Variants in CTNNA3 observed in about 807,000 individuals in gnomAD.
The protein encoded by CTNNA3 is catenin alpha 3, also known as catenin alpha-3.
In CTNNA3, 76 loss-of-function variants were observed where a neutral mutation model predicts 95.7. The observed-to-expected ratio is 0.79, with a 90% CI of 0.66 to 0.96. The LOEUF (loss-of-function observed/expected upper bound fraction) is 0.96, where lower values mean the gene tolerates loss of function less well. CTNNA3 is among the 40% of genes least tolerant of loss of function. The probability of loss-of-function intolerance (pLI) is 0.00; values close to 1 mark genes in which losing one functional copy is unlikely to be tolerated. For synonymous variants in CTNNA3, 431 were observed against 374.4 expected (o/e 1.15, Z -1.74); for missense variants, 1,191 against 1,089.8 (o/e 1.09, Z -1.31).
chr10:66,863,312 G>A (rs1171804777), intron 7 of CTNNA3, among the ~76,000 whole-genome samples: 1 of 151,930 alleles, frequency 6.6e-6, no homozygotes, highest in Non-Finnish European at 1.5e-5. Flanking sequence ...CTTAGGAGTA[G>A]TATGTTCTAC....
chr10:66,259,524 T>A (rs1333606499), intron 13 of CTNNA3, among the ~76,000 whole-genome samples: 1 of 152,100 alleles, frequency 6.6e-6, no homozygotes, highest in Non-Finnish European at 1.5e-5. Context: ...CTGAGGAATT[T>A]AGAAGTAATT....
intron 13 of CTNNA3, among the ~76,000 whole-genome samples, chr10:66,249,846 A>C (rs2090479175): frequency 6.6e-6 from 1 of 152,118 alleles, no homozygotes; most frequent in Non-Finnish European, 1.5e-5. Context: ...GAAACAAACA[A>C]ACAAAAACTA....
chr10:66,857,803 G>A (rs10822933), intron 7 of CTNNA3, among the ~76,000 whole-genome samples: 88,753 of 151,800 alleles, frequency 0.58, 27,014 homozygotes, highest in African/African-American at 0.64. Context: ...GAAGCTTCTG[G>A]GAAGACACTG....
Position 66,366,976 on chromosome 10 carries a change from A to G in CTNNA3, c.1732+12176T>C, listed in dbSNP as rs2092714879. On this transcript the variant is annotated intron_variant, in intron 12 of 17. Transcript: ENST00000433211. ...TGAAAGGGTTTGCAAAATTCTATGG[A>G]AACTACTCAAGGAAGACCTATTCAA... is the stretch of plus-strand genomic sequence containing the variant. Among the ~76,000 whole-genome samples, 4 of 152,132 alleles carry G rather than the reference A, an allele frequency of 2.6e-5. No individual in the cohort carries two copies. In the South Asian group the frequency reaches 8.3e-4, roughly 32 times the overall value.
chr10:67,521,304 G>C (rs556464823), intron 5 of CTNNA3, among the ~76,000 whole-genome samples: 1 of 152,208 alleles, frequency 6.6e-6, no homozygotes, highest in Non-Finnish European at 1.5e-5. Flanking sequence ...GCCTACAAAA[G>C]GAGGCAATTA....
intron 12 of CTNNA3, among the ~76,000 whole-genome samples, chr10:66,287,048 C>T (rs907761210): frequency 3.9e-5 from 6 of 152,066 alleles, no homozygotes; most frequent in African/African-American, 1.4e-4. Flanking sequence ...AAACTTCCCT[C>T]AATCAGCACC....
intron 16 of CTNNA3, among the ~76,000 whole-genome samples, chr10:65,976,262 AT>A (rs2078205983): frequency 6.6e-6 from 1 of 152,160 alleles, no homozygotes; most frequent in South Asian, 2.1e-4. Flanking sequence ...TTTGTCAATT[AT>A]AAACTCGATT....
intron 7 of CTNNA3, among the ~76,000 whole-genome samples, chr10:66,916,400 A>T (rs990457233): frequency 6.6e-6 from 1 of 152,258 alleles, no homozygotes; most frequent in Non-Finnish European, 1.5e-5. Context: ...AGTAGCTAAA[A>T]TAAAATGATT....
At chr10:65,921,471 C>T (rs914391525) in intron 17 of CTNNA3, among the ~76,000 whole-genome samples, 2 of 152,258 alleles carry the variant, frequency 1.3e-5, no homozygotes, top group South Asian at 2.1e-4. Flanking sequence ...AAGTTTCTCA[C>T]AGAGATTGTG....
chr10:67,726,616 A>G (rs796723671), intron 1 of CTNNA3, among the ~76,000 whole-genome samples: 2,911 of 18,960 alleles, frequency 0.15, 184 homozygotes, highest in African/African-American at 0.33. Flanking sequence ...TATATAATAT[A>G]TAATATATAT....
intron 11 of CTNNA3, among the ~76,000 whole-genome samples, chr10:66,437,862 G>C (rs1367525211): frequency 6.6e-6 from 1 of 152,132 alleles, no homozygotes; most frequent in African/African-American, 2.4e-5. Flanking sequence ...TGACGTTGGT[G>C]ATCTTTGGAT....
chr10:66,462,370 C>A (rs1238769328), intron 11 of CTNNA3, among the ~76,000 whole-genome samples: 1 of 151,986 alleles, frequency 6.6e-6, no homozygotes, highest in Non-Finnish European at 1.5e-5. Flanking sequence ...GAGTCTTTTA[C>A]CTTTACATAT....
chr10:66,340,334 TGAGAATCA>T (rs1293105042), intron 12 of CTNNA3, among the ~76,000 whole-genome samples: 1 of 151,826 alleles, frequency 6.6e-6, no homozygotes, highest in Non-Finnish European at 1.5e-5. Context: ...AGATAAAAAT[TGAGAATCA>T]GAGAGTCAGA....
chr10:66,071,624 A>G (rs2080436047), intron 14 of CTNNA3, among the ~76,000 whole-genome samples: 1 of 152,152 alleles, frequency 6.6e-6, no homozygotes, highest in Admixed American at 6.6e-5. Flanking sequence ...CCATGATGGT[A>G]TTTCTCTATC....
chr10:66,702,108 T>C (rs7893145), intron 9 of CTNNA3, among the ~76,000 whole-genome samples: 26,718 of 151,870 alleles, frequency 0.18, 2,586 homozygotes, highest in Non-Finnish European at 0.23. Context: ...AGTACTTATC[T>C]GTAAAAAATA....
intron 12 of CTNNA3, among the ~76,000 whole-genome samples, chr10:66,342,198 G>A (rs2092461231): frequency 6.6e-6 from 1 of 151,884 alleles, no homozygotes; most frequent in Admixed American, 6.6e-5. Context: ...TTAGCATTTA[G>A]TGTTCAACCA....
Position 66,831,691 on chromosome 10 carries a change from CAAAA to C in CTNNA3, c.1048-56171_1048-56168del, listed in dbSNP as rs372199930. ...AATAAAGAGTTGTGCAGAGAAGAAACAAAAAAAAGGGGAAGGAGCATGAGATGCA... is the reference window on the plus strand; with the variant it reads ...AATAAAGAGTTGTGCAGAGAAGAAACAAAAGGGGAAGGAGCATGAGATGCA... On this transcript the variant is annotated intron_variant, in intron 7 of 17. Transcript: ENST00000433211. 7.0e-3 allele frequency among the ~76,000 whole-genome samples: 1,043 copies of C among 148,374 alleles called. 9 individuals carry two copies. The highest frequency in any genetic ancestry group is 0.025 in the African/African-American group (1,006 of 40,294).
chr10:66,236,062 T>G (rs2089840126), intron 13 of CTNNA3, among the ~76,000 whole-genome samples: 1 of 152,174 alleles, frequency 6.6e-6, no homozygotes, highest in South Asian at 2.1e-4. Flanking sequence ...TTGGGTTGTT[T>G]GTAGTCTCAT....
chr10:65,929,671 C>T (rs1483632262), intron 17 of CTNNA3, among the ~76,000 whole-genome samples: 1 of 151,686 alleles, frequency 6.6e-6, no homozygotes, highest in African/African-American at 2.4e-5. Flanking sequence ...CGGGTTCACG[C>T]CATTCTCCTG....
Sources: gnomAD v4.1 joint callset for allele counts (sites outside exome capture counted in the v4.1 genomes callset) on GRCh38, gnomAD v4.1.1 for gene constraint, MANE v1.5 for transcripts, NCBI Gene and HGNC (gene_info 2026-07-23, HGNC 2026-07-21) for gene names.